The following ANKRD27 variants were observed in gnomAD, a reference collection of about 807,000 sequenced individuals.
ANKRD27 encodes ankyrin repeat domain 27.
Under a neutral mutation model 129.7 loss-of-function variants are expected in ANKRD27, and 112 were observed. The observed-to-expected ratio is 0.86, with a 90% CI of 0.74 to 1.01. The LOEUF (loss-of-function observed/expected upper bound fraction) is 1.01. Ranked by LOEUF, ANKRD27 falls within the 50% of genes least tolerant of loss-of-function variation. The pLI is 0.00. For synonymous variants in ANKRD27, 516 were observed against 511.2 expected, an observed-to-expected ratio of 1.01 and a Z score of -0.13; for missense variants, 1,258 against 1,300.5, an observed-to-expected ratio of 0.97 and a Z score of 0.50.
chr19:32,622,183 A>G (rs534316705), intron 18 of ANKRD27, among the ~76,000 whole-genome samples: 2 of 152,328 alleles, frequency 1.3e-5, no homozygotes, highest in Non-Finnish European at 2.9e-5. Flanking sequence ...CTCGGCAGCC[A>G]GAACAAACTC....
At chr19:32,601,482 C>CCAGCTACTTGAGAGTGGGAGG (rs1196132293) in intron 26 of ANKRD27, among the ~76,000 whole-genome samples, 1 of 151,210 alleles carries the variant, frequency 6.6e-6, no homozygotes, top group African/African-American at 2.4e-5. Flanking sequence ...ACCTGTAGTC[C>CCAGCTACTTGAGAGTGGGAGG]CAGCTACTTG....
Position 32,656,103 on chromosome 19 carries a change from G to GAAAGAAAGAAAGGAAAAGAAAAGA in ANKRD27, c.102+2810_102+2811insTCTTTTCTTTTCCTTTCTTTCTTT, listed in dbSNP as rs1555747136. On this transcript the variant is annotated intron_variant, in intron 2 of 28. Coordinates refer to ENST00000306065, the MANE Select transcript of ANKRD27 (RefSeq NM_032139.3). ...AGAAAGAAAGAAAGAAAGAAAGAAAGAAAGAAAAGAAAAGAAAAGAAAAGA... is the reference window on the plus strand; with the variant it reads ...AGAAAGAAAGAAAGAAAGAAAGAAAGAAAGAAAGAAAGGAAAAGAAAAGAAAAGAAAAGAAAAGAAAAGAAAAGA... Among the ~76,000 whole-genome samples the GAAAGAAAGAAAGGAAAAGAAAAGA allele has an allele frequency of 3.1e-4, 38 of 123,716 alleles. No individual in the cohort carries two copies. In the South Asian group the frequency reaches 3.6e-3, roughly 12 times the overall value. 81.2% of individuals were successfully genotyped at this position (123,716 alleles called of 152,430 possible).
intron 5 of ANKRD27, 71 bp downstream of exon 5, chr19:32,644,254 C>A: frequency 6.5e-7 from 1 of 1,532,864 alleles, no homozygotes; most frequent in Non-Finnish European, 8.9e-7. Context: ...CCAGAGGAAA[C>A]TGAGGGCTCC....
chr19:32,659,214 T>A (rs1350188767), intron 1 of ANKRD27, among the ~76,000 whole-genome samples, 169 bp from the exon 2 acceptor site: 1 of 144,526 alleles, frequency 6.9e-6, no homozygotes, highest in African/African-American at 2.6e-5. Context: ...CGGGAGTAGC[T>A]GGGACTACAG....
chr19:32,611,997 C>A (rs1555740415), intron 22 of ANKRD27, among the ~76,000 whole-genome samples: 1 of 152,180 alleles, frequency 6.6e-6, no homozygotes, highest in Non-Finnish European at 1.5e-5. Context: ...CCTCGGCCTC[C>A]CAAAGTGTTG....
intron 18 of ANKRD27, 97 bp from the exon 19 acceptor site, chr19:32,619,650 T>A: frequency 6.9e-6 from 10 of 1,449,866 alleles, no homozygotes; most frequent in Non-Finnish European, 9.7e-6. Flanking sequence ...GCCTAGCTCC[T>A]CGGAATGTCA....
At chr19:32,647,191 C>T (rs557663079) in intron 3 of ANKRD27, among the ~76,000 whole-genome samples, 37 of 152,312 alleles carry the variant, frequency 2.4e-4, no homozygotes, top group African/African-American at 8.9e-4. Context: ...TCTTTCTTTG[C>T]CTTTCACGAC....
At chr19:32,645,392 C>T (rs1369899247) in intron 4 of ANKRD27, among the ~76,000 whole-genome samples, 4 of 151,846 alleles carry the variant, frequency 2.6e-5, no homozygotes, top group African/African-American at 9.7e-5. Context: ...AGCCTGGCAA[C>T]AGAGCAAGAC....
chr19:32,614,059 G>C (rs550848387), intron 22 of ANKRD27, among the ~76,000 whole-genome samples: 2 of 152,102 alleles, frequency 1.3e-5, no homozygotes. Flanking sequence ...GGTTGCCAGC[G>C]GTTGGGGATG....
chr19:32,653,756 G>A (rs1967467166), intron 2 of ANKRD27, among the ~76,000 whole-genome samples: 1 of 150,368 alleles, frequency 6.7e-6, no homozygotes, highest in African/African-American at 2.4e-5. Context: ...GGGTGGGGGT[G>A]GGGAGGGAAG....
At chr19:32,629,655 G>A (rs1158041150) in intron 13 of ANKRD27, among the ~76,000 whole-genome samples, 1 of 151,868 alleles carries the variant, frequency 6.6e-6, no homozygotes, top group African/African-American at 2.4e-5. Flanking sequence ...AACCAAGATC[G>A]CACCATTACA....
At chr19:32,601,828 G>A (rs534470931) in intron 26 of ANKRD27, among the ~76,000 whole-genome samples, 187 bp downstream of exon 26, 8 of 152,018 alleles carry the variant, frequency 5.3e-5, no homozygotes, top group African/African-American at 1.9e-4. Flanking sequence ...CAGAAAACTA[G>A]TAACAAAAAA....
At chr19:32,613,580 A>G (rs1445288125) in intron 22 of ANKRD27, among the ~76,000 whole-genome samples, 1 of 152,218 alleles carries the variant, frequency 6.6e-6, no homozygotes, top group Non-Finnish European at 1.5e-5. Flanking sequence ...ATATGCCACC[A>G]TTAAACAAAT....
intron 4 of ANKRD27, among the ~76,000 whole-genome samples, chr19:32,645,834 C>T (rs1312557204): frequency 6.6e-6 from 1 of 151,862 alleles, no homozygotes; most frequent in Admixed American, 6.6e-5. Flanking sequence ...TGGGGTTTCC[C>T]CATGTTGGTC....
rs185212941 is a variant in ANKRD27, at chr19:32,640,022, C to T, written c.983+285G>A. Among the ~76,000 whole-genome samples the T allele has an allele frequency of 3.3e-3, 509 of 152,036 alleles. 4 individuals are homozygous for T. Among genetic ancestry groups the T allele is most frequent in the Non-Finnish European group, 4.7e-3 (322 of 67,996 alleles). ...TGTCGCCCAGGCTGGAGTGCGGTGG[C>T]GCGATTTCAGCTCACTGCAAGCTCC... On this transcript the variant is annotated intron_variant, in intron 11 of 28. Transcript: ENST00000306065.
intron 2 of ANKRD27, among the ~76,000 whole-genome samples, chr19:32,652,168 CAGAGTTACCGGCAT>C (rs1967429782): frequency 2.0e-5 from 3 of 152,226 alleles, no homozygotes; most frequent in Admixed American, 6.5e-5. Context: ...AAAGACTTTC[CAGAGTTACCGGCAT>C]AGACGAAGTT....
At chr19:32,650,729 T>C (rs1967398485) in intron 2 of ANKRD27, among the ~76,000 whole-genome samples, 2 of 149,818 alleles carry the variant, frequency 1.3e-5, no homozygotes, top group African/African-American at 4.9e-5. Context: ...GGTTTCCTTC[T>C]ATTCTTTTCT....
At chr19:32,627,864 C>T (rs1009956845) in intron 15 of ANKRD27, among the ~76,000 whole-genome samples, 6 of 152,024 alleles carry the variant, frequency 3.9e-5, no homozygotes, top group Middle Eastern at 3.2e-3. Flanking sequence ...GTGGGACCCA[C>T]GCAGGGGGGC....
At chr19:32,602,173 T>C in intron 25 of ANKRD27, 47 bp from the exon 26 acceptor site, 7 of 1,199,822 alleles carry the variant, frequency 5.8e-6, no homozygotes, top group Non-Finnish European at 8.6e-6. Context: ...TATTCTTTTT[T>C]AATAGGTTAT....
Sources: gnomAD v4.1 joint callset for allele counts (sites outside exome capture counted in the v4.1 genomes callset) on GRCh38, gnomAD v4.1.1 for gene constraint, MANE v1.5 for transcripts, NCBI Gene and HGNC (gene_info 2026-07-23, HGNC 2026-07-21) for gene names.